TBXAS1: variants seen among roughly 807,000 people sequenced by gnomAD.
TBXAS1 encodes thromboxane A synthase 1.
TBXAS1 carries 48 observed loss-of-function variants against 60.7 expected under a neutral mutation model. That is an observed-to-expected ratio of 0.79 (90% CI 0.63 to 1.01). The LOEUF is 1.01. TBXAS1 is among the 50% of genes least tolerant of loss of function. TBXAS1 has a pLI of 0.00. For synonymous variants in TBXAS1, 287 were observed against 269.7 expected (o/e 1.06, Z -0.63); for missense variants, 685 against 686.3 (o/e 1.00, Z 0.02).
chr7:139,985,736 T>C (rs1268551990), intron 9 of TBXAS1, among the ~76,000 whole-genome samples: 1 of 152,196 alleles, frequency 6.6e-6, no homozygotes, highest in Non-Finnish European at 1.5e-5. Flanking sequence ...GACTGGAAGC[T>C]CCCCATAAGG....
Position 140,016,315 on chromosome 7 carries a change from A to G in TBXAS1, c.1364+455A>G, listed in dbSNP as rs568384463. ...TACACTCCAGCCTGGGTGACAGAGC[A>G]AGACTCTGTCTAAAAAAAAATAAAT... On this transcript the variant is annotated intron_variant, in intron 11 of 12. Coordinates refer to ENST00000448866, the MANE Select transcript of TBXAS1 (RefSeq NM_001061.7). 1.6e-4 allele frequency: 36 copies of G among 224,856 alleles called. No homozygotes were observed. The East Asian group carries it at 3.8e-3, about 24-fold the overall frequency. The allele number at this position is 224,856 out of a possible 1,614,324, so 13.9% of individuals were successfully genotyped here. A position where few individuals can be genotyped will look rare whatever the true frequency, so the allele number is the denominator to read the frequency against.
intron 1 of TBXAS1, among the ~76,000 whole-genome samples, chr7:139,864,019 G>A (rs577356834): frequency 6.6e-6 from 1 of 152,068 alleles, no homozygotes; most frequent in African/African-American, 2.4e-5. Flanking sequence ...TCAAGAACAA[G>A]AAAAGGATGC....
intron 3 of TBXAS1, among the ~76,000 whole-genome samples, chr7:139,889,075 G>A (rs773482002): frequency 2.0e-5 from 3 of 152,170 alleles, no homozygotes; most frequent in Non-Finnish European, 4.4e-5. Context: ...ACTCGTGCCT[G>A]TAATTCTAGC....
At chr7:139,910,409 G>T (rs1275891083) in intron 3 of TBXAS1, among the ~76,000 whole-genome samples, 1 of 152,090 alleles carries the variant, frequency 6.6e-6, no homozygotes, top group Non-Finnish European at 1.5e-5. Context: ...GGCCGAGGTG[G>T]GCGGATCACT....
chr7:139,993,892 CT>C (rs71170931), intron 9 of TBXAS1, among the ~76,000 whole-genome samples: 25,102 of 111,512 alleles, frequency 0.23, 1,264 homozygotes, highest in East Asian at 0.31. Context: ...TTCTTTCTTT[CT>C]TTTTTTTTTT....
chr7:139,787,983 C>T (rs908093680), intron 4 of TBXAS1, among the ~76,000 whole-genome samples: 1 of 152,112 alleles, frequency 6.6e-6, no homozygotes, highest in African/African-American at 2.4e-5. Context: ...TTTATTGATA[C>T]ATTAAATAAC....
intron 9 of TBXAS1, among the ~76,000 whole-genome samples, chr7:139,984,037 G>A (rs1289489403): frequency 2.0e-5 from 3 of 152,132 alleles, no homozygotes; most frequent in African/African-American, 7.2e-5. Context: ...TATCTTCCCC[G>A]ACCCTGTGAT....
At chr7:139,899,784 G>A (rs1435435238) in intron 3 of TBXAS1, among the ~76,000 whole-genome samples, 4 of 152,124 alleles carry the variant, frequency 2.6e-5, no homozygotes, top group Admixed American at 1.3e-4. Flanking sequence ...TGCACAGCTG[G>A]GAGCCTGCCT....
intron 9 of TBXAS1, among the ~76,000 whole-genome samples, chr7:139,998,113 C>A (rs554067744): frequency 6.6e-6 from 1 of 152,046 alleles, no homozygotes; most frequent in Non-Finnish European, 1.5e-5. Flanking sequence ...GAAGGCAGAC[C>A]GAAAAGCCTG....
chr7:139,824,612 T>C (rs544249344), upstream of TBXAS1, among the ~76,000 whole-genome samples: 1 of 152,286 alleles, frequency 6.6e-6, no homozygotes, highest in African/African-American at 2.4e-5. Flanking sequence ...CATTATACAA[T>C]AAGTGAGAAA....
At chr7:139,981,252 C>T (rs1400629135) in intron 9 of TBXAS1, among the ~76,000 whole-genome samples, 2 of 152,152 alleles carry the variant, frequency 1.3e-5, no homozygotes, top group Non-Finnish European at 2.9e-5. Flanking sequence ...GGATTACAGG[C>T]TTGTACCACC....
chr7:139,905,073 C>CTCTT (rs1554487252), intron 3 of TBXAS1, among the ~76,000 whole-genome samples: 72 of 102,382 alleles, frequency 7.0e-4, no homozygotes, highest in South Asian at 1.4e-3. Flanking sequence ...CTCTCTCTCT[C>CTCTT]TCTTTCTCTT....
At chr7:139,812,829 G>C (rs949589924) in intron 4 of TBXAS1, among the ~76,000 whole-genome samples, 1 of 152,140 alleles carries the variant, frequency 6.6e-6, no homozygotes, top group Non-Finnish European at 1.5e-5. Context: ...GGCTGAGGCA[G>C]GTGTATCACT....
chr7:139,941,297 T>G (rs1304534243), intron 5 of TBXAS1, among the ~76,000 whole-genome samples: 4 of 152,252 alleles, frequency 2.6e-5, no homozygotes, highest in Non-Finnish European at 5.9e-5. Flanking sequence ...TCTTTAAGTA[T>G]GGTCAATATT....
intron 5 of TBXAS1, among the ~76,000 whole-genome samples, chr7:139,951,962 G>GAAAA (rs1179290446): frequency 1.7e-5 from 2 of 116,140 alleles, no homozygotes; most frequent in Non-Finnish European, 3.6e-5. Context: ...AAGAAAGAAA[G>GAAAA]AAAGAAAGAA....
intron 4 of TBXAS1, among the ~76,000 whole-genome samples, chr7:139,927,232 A>G (rs1164085001): frequency 1.3e-5 from 2 of 151,316 alleles, no homozygotes; most frequent in East Asian, 3.9e-4. Context: ...TCCTGGCCTC[A>G]AGTGCTCTGC....
rs1306745398 is a variant in TBXAS1, at chr7:139,999,197, A to G, written c.1135-7894A>G. Among the ~76,000 whole-genome samples, 1 of 152,234 alleles carries G rather than the reference A, an allele frequency of 6.6e-6. No homozygotes were observed. The highest frequency in any genetic ancestry group is 1.5e-5 in the Non-Finnish European group (1 of 68,034). On this transcript the variant is annotated intron_variant, in intron 9 of 12. Coordinates refer to ENST00000448866, the MANE Select transcript of TBXAS1 (RefSeq NM_001061.7). The surrounding 1 kb of genome is among the most constrained non-coding windows in gnomAD (Gnocchi z 4.3). ...TCTAGAAGGTGAAATGTCAGAGCTC[A>G]GAGAACCTCAGCTCCCTCCCAACCT...
chr7:139,929,969 G>A (rs1364532297), intron 4 of TBXAS1, among the ~76,000 whole-genome samples: 1 of 152,170 alleles, frequency 6.6e-6, no homozygotes, highest in Admixed American at 6.5e-5. Flanking sequence ...ACTCTGCTAT[G>A]ACTACCTGTG....
At chr7:139,855,634 T>C (rs1406012252) in intron 1 of TBXAS1, among the ~76,000 whole-genome samples, 1 of 152,072 alleles carries the variant, frequency 6.6e-6, no homozygotes, top group Non-Finnish European at 1.5e-5. Context: ...TCAGCAGTGC[T>C]AGGAGGAAGT....
Sources: gnomAD v4.1 joint callset for allele counts (sites outside exome capture counted in the v4.1 genomes callset) on GRCh38, gnomAD v4.1.1 for gene constraint, Gnocchi (gnomAD v3.1) non-coding constraint, MANE v1.5 for transcripts, NCBI Gene and HGNC (gene_info 2026-07-23, HGNC 2026-07-21) for gene names.